AFF3: variants seen among roughly 807,000 people sequenced by gnomAD.
AFF3 encodes the protein ALF transcription elongation factor 3.
A neutral mutation model predicts 129.7 loss-of-function variants in AFF3; 32 were observed. The ratio of observed to expected loss-of-function variants is 0.25; its 90% confidence interval spans 0.19 to 0.33. The LOEUF is 0.33. AFF3 is among the 10% of genes least tolerant of loss of function. The probability of loss-of-function intolerance (pLI) is 1.00; values close to 1 mark genes in which losing one functional copy is unlikely to be tolerated. For synonymous variants in AFF3, 644 were observed against 635.4 expected (o/e 1.01, Z -0.20); for missense variants, 1,373 against 1,592.0 (o/e 0.86, Z 2.34).
chr2:99,568,226 T>C (rs1473731154), intron 19 of AFF3, among the ~76,000 whole-genome samples: 1 of 152,222 alleles, frequency 6.6e-6, no homozygotes, highest in Non-Finnish European at 1.5e-5. Context: ...GATGTCCCTT[T>C]GGACTTCATT....
At chr2:99,568,046 A>G (rs1676139542) in intron 19 of AFF3, among the ~76,000 whole-genome samples, 1 of 152,202 alleles carries the variant, frequency 6.6e-6, no homozygotes, top group South Asian at 2.1e-4. Flanking sequence ...CTTCACGTAA[A>G]TAAGTGTTTA....
chr2:100,064,578 C>A (rs946842696), intron 4 of AFF3, among the ~76,000 whole-genome samples: 2 of 152,176 alleles, frequency 1.3e-5, no homozygotes, highest in Non-Finnish European at 1.5e-5. Flanking sequence ...TGTGAGTTAG[C>A]CTTCCTCAAC....
intron 7 of AFF3, among the ~76,000 whole-genome samples, chr2:99,996,958 C>G (rs1310516605): frequency 6.6e-6 from 1 of 152,096 alleles, no homozygotes; most frequent in African/African-American, 2.4e-5. Flanking sequence ...CTTCCCGAAG[C>G]TATACTCTAC....
chr2:99,900,970 G>A (rs969436224), intron 7 of AFF3, among the ~76,000 whole-genome samples: 2 of 152,222 alleles, frequency 1.3e-5, no homozygotes, highest in African/African-American at 2.4e-5. Flanking sequence ...TGCAGGATTA[G>A]CCACAGGCTC....
chr2:99,642,118 C>T (rs1021315833), intron 13 of AFF3, among the ~76,000 whole-genome samples: 60 of 152,118 alleles, frequency 3.9e-4, no homozygotes, highest in Admixed American at 3.5e-3. Context: ...GTCATGTCAA[C>T]GGTACGAAGC....
intron 8 of AFF3, among the ~76,000 whole-genome samples, chr2:99,799,903 A>C (rs1685809633): frequency 1.3e-5 from 2 of 152,288 alleles, no homozygotes; most frequent in South Asian, 4.1e-4. Context: ...TCATGTGCAA[A>C]AGTTGAATTT....
At chr2:99,950,885 T>A (rs887377514) in intron 7 of AFF3, among the ~76,000 whole-genome samples, 6 of 152,170 alleles carry the variant, frequency 3.9e-5, no homozygotes, top group African/African-American at 1.4e-4. Flanking sequence ...TGAAAAAAAT[T>A]AAGATAATGA....
At chr2:99,896,620 CTTTTTTTTTTTTTTTT>C (rs35573862) in intron 7 of AFF3, among the ~76,000 whole-genome samples, 361 of 36,094 alleles carry the variant, frequency 0.01, 4 homozygotes, top group South Asian at 0.039. Context: ...TGTCAAAATG[CTTTTTTTTTTTTTTTT>C]TTTTTTTTTT....
At chr2:100,118,815 T>TG (rs1021792040) in intron 2 of AFF3, among the ~76,000 whole-genome samples, 2 of 97,290 alleles carry the variant, frequency 2.1e-5, no homozygotes, top group Non-Finnish European at 4.3e-5. Flanking sequence ...AAATTCTGAC[T>TG]TTTTTTTTTT....
chr2:99,910,922 T>C (rs908956490), intron 7 of AFF3, among the ~76,000 whole-genome samples: 4 of 152,316 alleles, frequency 2.6e-5, no homozygotes, highest in African/African-American at 4.8e-5. Flanking sequence ...CTTCTCCACA[T>C]AGGAAATTAA....
At chr2:99,680,624 A>C (rs1225603370) in intron 11 of AFF3, among the ~76,000 whole-genome samples, 4 of 152,210 alleles carry the variant, frequency 2.6e-5, no homozygotes, top group African/African-American at 9.6e-5. Flanking sequence ...TAAGTAAGTT[A>C]GCTGCCTATT....
At chr2:99,738,039 T>C (rs1680399959) in intron 10 of AFF3, among the ~76,000 whole-genome samples, 1 of 152,144 alleles carries the variant, frequency 6.6e-6, no homozygotes, top group South Asian at 2.1e-4. Context: ...ATCCTCTCTT[T>C]TATTTCCAGA....
intron 22 of AFF3, among the ~76,000 whole-genome samples, chr2:99,556,699 C>A (rs2104522049): frequency 6.6e-6 from 1 of 152,136 alleles, no homozygotes; most frequent in South Asian, 2.1e-4. Flanking sequence ...AGGCAGTAGG[C>A]TCGCTGGAGG....
chr2:99,605,934 C>T (rs1345537117), intron 13 of AFF3, among the ~76,000 whole-genome samples: 1 of 152,100 alleles, frequency 6.6e-6, no homozygotes, highest in African/African-American at 2.4e-5. Flanking sequence ...GCAATCCTTC[C>T]ACCTCAGCCT....
At chr2:99,794,189 A>G (rs536342548) in intron 8 of AFF3, among the ~76,000 whole-genome samples, 1 of 152,138 alleles carries the variant, frequency 6.6e-6, no homozygotes, top group Non-Finnish European at 1.5e-5. Flanking sequence ...TCCTTTTGCT[A>G]TGGGTCACAT....
At chr2:99,833,735 C>A (rs4122655) in intron 8 of AFF3, among the ~76,000 whole-genome samples, 1 of 152,112 alleles carries the variant, frequency 6.6e-6, no homozygotes, top group Non-Finnish European at 1.5e-5. Flanking sequence ...TGAAAAGCAC[C>A]TAAGTATTAC....
At chr2:99,562,099 C>G (rs955379017) in intron 20 of AFF3, among the ~76,000 whole-genome samples, 4 of 152,128 alleles carry the variant, frequency 2.6e-5, no homozygotes, top group Non-Finnish European at 5.9e-5. Context: ...GATATTTGGC[C>G]TTTAGTTTTT....
intron 18 of AFF3, among the ~76,000 whole-genome samples, chr2:99,574,176 A>G (rs750649505): frequency 2.6e-5 from 4 of 152,148 alleles, no homozygotes; most frequent in Non-Finnish European, 4.4e-5. Context: ...ATTCTTACAG[A>G]TCCGTTTTTT....
Position 99,809,020 on chromosome 2 carries a change from T to C in AFF3, c.921+28457A>G, listed in dbSNP as rs191700876. On this transcript the variant is annotated intron_variant, in intron 8 of 24. Transcript: ENST00000672756. ...TCCCTGGGCAGGAGAATTTAACAGG[T>C]AGCAATGGATATGAATCAAAGCACT... 2.0e-5 allele frequency among the ~76,000 whole-genome samples: 3 copies of C among 152,294 alleles called. No individual in the cohort carries two copies. The East Asian group carries it at 5.8e-4, about 29-fold the overall frequency.
Sources: allele counts gnomAD v4.1 joint callset (sites outside exome capture counted in the v4.1 genomes callset), GRCh38; gene constraint gnomAD v4.1.1; transcripts MANE v1.5; gene names NCBI Gene and HGNC (gene_info 2026-07-23, HGNC 2026-07-21).